Variants in VSIG10 observed in about 807,000 individuals in gnomAD.
VSIG10 encodes V-set and immunoglobulin domain containing 10.
VSIG10 carries 48 observed loss-of-function variants against 58.7 expected under a neutral mutation model. The ratio of observed to expected loss-of-function variants is 0.82; its 90% CI spans 0.65 to 1.04. The LOEUF is 1.04. VSIG10 is among the 50% of genes least tolerant of loss of function. The pLI, the probability that VSIG10 is intolerant of heterozygous loss-of-function variation, is 0.00. For missense variants in VSIG10, 628 were observed against 670.0 expected (o/e 0.94, Z 0.69); for synonymous variants, 260 against 267.1 (o/e 0.97, Z 0.26).
At chr12:118,082,469 A>T in intron 2 of VSIG10, 40 bp from the exon 3 acceptor site, 1 of 1,571,542 alleles carries the variant, frequency 6.4e-7, no homozygotes, top group Non-Finnish European at 8.6e-7. Flanking sequence ...TTAATTATGT[A>T]AGAGCTCATT....
chr12:118,079,667 T>C, intron 3 of VSIG10, 61 bp from the exon 4 acceptor site: 1 of 1,590,894 alleles, frequency 6.3e-7, no homozygotes. Context: ...GCCACTGGAC[T>C]GGCTCTAAGG....
intron 2 of VSIG10, among the ~76,000 whole-genome samples, chr12:118,093,162 G>T (rs990032488): frequency 3.3e-5 from 5 of 151,636 alleles, no homozygotes; most frequent in African/African-American, 1.2e-4. Flanking sequence ...AGCTGGGTGT[G>T]GTGGCGGGCG....
chr12:118,075,171 T>A (rs2032672428), intron 4 of VSIG10, among the ~76,000 whole-genome samples: 2 of 129,304 alleles, frequency 1.5e-5, no homozygotes, highest in South Asian at 5.2e-4. Context: ...TGTATATATA[T>A]GTATATATGT....
intron 2 of VSIG10, among the ~76,000 whole-genome samples, chr12:118,087,972 G>A (rs1245531293): frequency 6.6e-6 from 1 of 152,022 alleles, no homozygotes; most frequent in Non-Finnish European, 1.5e-5. Context: ...GAGGCTGGGC[G>A]CGGTGGCTCA....
rs1305817320 is a variant in VSIG10 at position 118,063,656 on chromosome 12, T to TTTC, written c.*2980_*2982dup. 1 of 152,182 alleles carries TTTC rather than the reference T, an allele frequency of 6.6e-6. No homozygotes were observed. The highest frequency in any genetic ancestry group is 1.5e-5 in the Non-Finnish European group (1 of 68,032). 9.4% of individuals were successfully genotyped at this position (152,182 alleles called of 1,614,324 possible). A position where few individuals can be genotyped will look rare whatever the true frequency, so the allele number is the denominator to read the frequency against. On this transcript the variant is annotated 3_prime_UTR_variant, in exon 9 of 9. Coordinates refer to ENST00000359236, the MANE Select transcript of VSIG10 (RefSeq NM_019086.6). The stretch of plus-strand genomic sequence containing the variant: ...AGGCATATGATAACCTCAGAACTAA[T>TTTC]TTCTCCCAACCTCCCCCCACCACAT...
At position 118,068,326 on chromosome 12, in the gene VSIG10, C is replaced by T. The variant is rs190437224; in HGVS notation, c.1567+51G>A. ...CTGGGATTATAGGCGTGAGCCAACG[C>T]GCCTTTTTTTGTTTGTTTTCTGTTT... On this transcript the variant is annotated intron_variant, in intron 8 of 8. Transcript: ENST00000359236. 2.8e-4 allele frequency: 442 copies of T among 1,588,448 alleles called. 2 individuals are homozygous for T. The African/African-American group carries it at 5.1e-3, about 18-fold the overall frequency.
chr12:118,068,869 A>G (rs1286271845), intron 7 of VSIG10, among the ~76,000 whole-genome samples: 1 of 152,114 alleles, frequency 6.6e-6, no homozygotes, highest in Non-Finnish European at 1.5e-5. Flanking sequence ...GTCCCCTTAC[A>G]GCAGGTAGAC....
chr12:118,093,172 G>A (rs572764290), intron 2 of VSIG10, among the ~76,000 whole-genome samples: 5 of 151,024 alleles, frequency 3.3e-5, no homozygotes, highest in Admixed American at 2.0e-4. Flanking sequence ...GGTGGCGGGC[G>A]CCTGCAGTCC....
At position 118,082,982 on chromosome 12, in the gene VSIG10, G is replaced by A. The variant is rs559989706; in HGVS notation, c.362-553C>T. On this transcript the variant is annotated intron_variant, in intron 2 of 8. Coordinates refer to ENST00000359236, the MANE Select transcript of VSIG10 (RefSeq NM_019086.6). ...ACAAAAATCAGCTGGGCGTGGTCGCGCATGCCTGTAATCCCAGCTACTAGG... is the reference window on the plus strand; with the variant it reads ...ACAAAAATCAGCTGGGCGTGGTCGCACATGCCTGTAATCCCAGCTACTAGG... Among the ~76,000 whole-genome samples the A allele has an allele frequency of 2.2e-3, 336 of 151,036 alleles. 6 individuals are homozygous for A. Among genetic ancestry groups the A allele is most frequent in the African/African-American group, 7.5e-3 (310 of 41,172 alleles).
At chr12:118,072,523 G>A (rs2032539780) in intron 5 of VSIG10, among the ~76,000 whole-genome samples, 1 of 151,020 alleles carries the variant, frequency 6.6e-6, no homozygotes, top group Non-Finnish European at 1.5e-5. Flanking sequence ...AGGAAGGTAG[G>A]AAAGGGAAAA....
intron 4 of VSIG10, among the ~76,000 whole-genome samples, chr12:118,074,679 A>G (rs1315720047): frequency 6.6e-6 from 1 of 151,792 alleles, no homozygotes; most frequent in Non-Finnish European, 1.5e-5. Context: ...GGGTTTCACC[A>G]TATTGGCCAG....
At chr12:118,070,985 G>A (rs1470448467) in intron 7 of VSIG10, 67 bp downstream of exon 7, 36 of 1,560,932 alleles carry the variant, frequency 2.3e-5, no homozygotes, top group Non-Finnish European at 1.7e-6. Flanking sequence ...GTGAAAGGAA[G>A]GGAACAAAAC....
At position 118,102,822 on chromosome 12, in the gene VSIG10, G is replaced by C. The variant is rs77378935; in HGVS notation, c.79+771C>G. On this transcript the variant is annotated intron_variant, in intron 1 of 8. Coordinates refer to ENST00000359236, the MANE Select transcript of VSIG10 (RefSeq NM_019086.6). ...CTCCCTGCACCCCAGCCTCCTCCCA[G>C]CTTGTCACACTCCCAGCACACAGTA... The C allele has an allele frequency of 7.9e-3, 1,207 of 152,396 alleles. 16 individuals are homozygous for C. The highest frequency in any genetic ancestry group is 0.027 in the African/African-American group (1,121 of 41,500). The allele number at this position is 152,396 out of a possible 1,614,324, so 9.4% of individuals were successfully genotyped here.
chr12:118,082,241 T>A lies in VSIG10; in HGVS notation c.550A>T (p.Asn184Tyr). The change falls in exon 3 of 9, where the codon AAC becomes TAC. Residue 184 changes from asparagine to tyrosine, a missense_variant. Coordinates refer to ENST00000359236, the MANE Select transcript of VSIG10 (RefSeq NM_019086.6). ...GATATCAGTAACAGTGAGAAAAAGT[T>A]GACTGTCAGGTTGTGGCCAAAGGAC... The part of the protein sequence containing the change: ...SESFGHNLTV[N>Y]FFSLLLISPN... 6.2e-7 allele frequency: 1 copy of A among 1,613,908 alleles called. No individual in the cohort carries two copies. The highest frequency in any genetic ancestry group is 8.5e-7 in the Non-Finnish European group (1 of 1,179,866).
At chr12:118,087,220 C>T (rs2033152595) in intron 2 of VSIG10, among the ~76,000 whole-genome samples, 1 of 152,070 alleles carries the variant, frequency 6.6e-6, no homozygotes, top group Admixed American at 6.6e-5. Context: ...TAACAGGGAG[C>T]AGTGCATACT....
chr12:118,089,905 C>G (rs2033242747), intron 2 of VSIG10, among the ~76,000 whole-genome samples: 1 of 152,300 alleles, frequency 6.6e-6, no homozygotes, highest in East Asian at 1.9e-4. Flanking sequence ...TCTCCCTTCC[C>G]TGTTTTATTT....
intron 3 of VSIG10, among the ~76,000 whole-genome samples, chr12:118,081,272 C>A (rs1279293762): frequency 1.3e-5 from 2 of 152,056 alleles, no homozygotes; most frequent in Non-Finnish European, 2.9e-5. Flanking sequence ...TGTTTTGGAA[C>A]CTGATACAGG....
rs747932591 is a variant in VSIG10, at chr12:118,079,387, A to C, written c.884T>G (p.Ile295Arg). ...GCTGGCGCCCGACTCTGGCCCAACT[A>C]TGTGGCTTGTAACACACTTGAACTT... ...GKKFKCVTSH[I>R]VGPESGASCM... The change falls in exon 4 of 9, where the codon ATA becomes AGA. Residue 295 changes from isoleucine to arginine, a missense_variant. By Grantham distance (97) the Ile-to-Arg change is moderately conservative. Coordinates refer to ENST00000359236, the MANE Select transcript of VSIG10 (RefSeq NM_019086.6). 3 of 1,613,950 alleles carry C rather than the reference A, an allele frequency of 1.9e-6. No homozygotes were observed. Among genetic ancestry groups the C allele is most frequent in the East Asian group, 4.5e-5 (2 of 44,888 alleles).
intron 2 of VSIG10, among the ~76,000 whole-genome samples, chr12:118,094,213 A>G (rs976414056): frequency 9.9e-5 from 15 of 150,886 alleles, no homozygotes; most frequent in Admixed American, 6.6e-5. Context: ...GACCCAGGCA[A>G]TCCTGAGTAG....
Sources: allele counts gnomAD v4.1 joint callset (sites outside exome capture counted in the v4.1 genomes callset), GRCh38; gene constraint gnomAD v4.1.1; transcripts MANE v1.5; gene names NCBI Gene and HGNC (gene_info 2026-07-23, HGNC 2026-07-21).